MGAT4C: variants seen among roughly 807,000 people sequenced by gnomAD.
MGAT4C encodes alpha-1,3-mannosyl-glycoprotein 4-beta-N-acetylglucosaminyltransferase C.
MGAT4C carries 19 observed loss-of-function variants against 40.1 expected under a neutral mutation model. That is an observed-to-expected ratio of 0.47 (90% confidence interval 0.33 to 0.70). The LOEUF (loss-of-function observed/expected upper bound fraction) is 0.70. Ranked by LOEUF, MGAT4C falls within the 30% of genes least tolerant of loss-of-function variation. The pLI is 0.02. For missense variants in MGAT4C, 491 were observed against 563.2 expected (o/e 0.87, Z 1.30); for synonymous variants, 181 against 187.1 (o/e 0.97, Z 0.27).
At chr12:86,159,810 T>C (rs1477059533) in intron 1 of MGAT4C, among the ~76,000 whole-genome samples, 1 of 152,082 alleles carries the variant, frequency 6.6e-6, no homozygotes, top group South Asian at 2.1e-4. Context: ...TTCTAATTTA[T>C]GTGCATAGTT....
chr12:86,706,070 T>C (rs968521817), intron 2 of MGAT4C, among the ~76,000 whole-genome samples: 4 of 152,092 alleles, frequency 2.6e-5, no homozygotes, highest in African/African-American at 9.7e-5. Flanking sequence ...TTTCCATTGA[T>C]ACACAAAATG....
intron 3 of MGAT4C, among the ~76,000 whole-genome samples, chr12:86,384,356 T>G (rs375947532): frequency 6.6e-6 from 1 of 152,110 alleles, no homozygotes; most frequent in African/African-American, 2.4e-5. Flanking sequence ...TTTTAGACAT[T>G]AGGGATTTTT....
At chr12:86,761,715 C>T (rs919520964) in intron 1 of MGAT4C, among the ~76,000 whole-genome samples, 1 of 152,118 alleles carries the variant, frequency 6.6e-6, no homozygotes, top group African/African-American at 2.4e-5. Flanking sequence ...TATTCCTTGG[C>T]TTGTGGCTAC....
At chr12:86,837,000 T>G (rs1219132840) in intron 1 of MGAT4C, among the ~76,000 whole-genome samples, 1 of 152,164 alleles carries the variant, frequency 6.6e-6, no homozygotes, top group Non-Finnish European at 1.5e-5. Context: ...CTGTATCCTC[T>G]GAAAGTCATA....
At chr12:86,585,280 C>T (rs1960968395) in intron 2 of MGAT4C, among the ~76,000 whole-genome samples, 2 of 151,318 alleles carry the variant, frequency 1.3e-5, no homozygotes, top group Admixed American at 1.3e-4. Context: ...ATTTGTAGGA[C>T]TGGAAAAATG....
At chr12:85,991,361 G>A (rs1310735819) in intron 2 of MGAT4C, among the ~76,000 whole-genome samples, 2 of 152,142 alleles carry the variant, frequency 1.3e-5, no homozygotes, top group East Asian at 1.9e-4. Context: ...GGCGGGCCCA[G>A]AAAAGGCACC....
intron 1 of MGAT4C, among the ~76,000 whole-genome samples, chr12:86,098,064 A>G (rs1565978216): frequency 6.6e-6 from 1 of 151,692 alleles, no homozygotes; most frequent in Non-Finnish European, 1.5e-5. Context: ...AAATGGCTCT[A>G]TGTTTAGAAA....
rs1180402099 is a variant in MGAT4C at position 86,603,493 on chromosome 12, A to C, written c.-229+123716T>G. Among the ~76,000 whole-genome samples, 7 of 86,460 alleles carry C rather than the reference A, an allele frequency of 8.1e-5. No homozygotes were observed. The East Asian group carries it at 1.3e-3, about 16-fold the overall frequency. 56.7% of individuals were successfully genotyped at this position (86,460 alleles called of 152,430 possible). ...CTATATATAGTCTATAGACTATATA[A>C]TATATACTATATATAGTCTATAGTC... is the stretch of plus-strand genomic sequence containing the variant. On this transcript the variant is annotated intron_variant, in intron 2 of 7. Transcript: ENST00000548651.
intron 3 of MGAT4C, among the ~76,000 whole-genome samples, chr12:86,350,195 A>G (rs1955128829): frequency 6.6e-6 from 1 of 152,070 alleles, no homozygotes; most frequent in African/African-American, 2.4e-5. Context: ...AGACTTTAAC[A>G]TATTTCTCAA....
At chr12:86,233,240 T>C (rs980910817) in intron 1 of MGAT4C, among the ~76,000 whole-genome samples, 5 of 152,208 alleles carry the variant, frequency 3.3e-5, no homozygotes, top group African/African-American at 1.2e-4. Context: ...AAGCAGCTTA[T>C]ATGCAAGTCT....
At chr12:86,695,302 C>T (rs1240087648) in intron 2 of MGAT4C, among the ~76,000 whole-genome samples, 3 of 152,006 alleles carry the variant, frequency 2.0e-5, no homozygotes, top group Non-Finnish European at 4.4e-5. Context: ...AAAAAGGAAC[C>T]CTTGTACACT....
intron 2 of MGAT4C, among the ~76,000 whole-genome samples, chr12:86,714,080 G>A (rs536439166): frequency 2.0e-5 from 3 of 152,138 alleles, no homozygotes; most frequent in African/African-American, 4.8e-5. Flanking sequence ...AATTTAACTT[G>A]AAATTTTTAT....
intron 1 of MGAT4C, among the ~76,000 whole-genome samples, chr12:86,781,387 C>T (rs1477681877): frequency 6.6e-6 from 1 of 151,920 alleles, no homozygotes; most frequent in Non-Finnish European, 1.5e-5. Context: ...ATTGAGAGAA[C>T]TCAGCACTCT....
At chr12:86,453,974 G>A (rs528655055) in intron 2 of MGAT4C, among the ~76,000 whole-genome samples, 39 of 151,992 alleles carry the variant, frequency 2.6e-4, no homozygotes, top group Non-Finnish European at 4.4e-4. Context: ...AAGTTACCAC[G>A]AGCCACAAAA....
chr12:86,278,372 T>G (rs1378522645), intron 4 of MGAT4C, among the ~76,000 whole-genome samples: 1 of 152,010 alleles, frequency 6.6e-6, no homozygotes, highest in Non-Finnish European at 1.5e-5. Flanking sequence ...AGAAGTGGGA[T>G]TTCACCATGC....
intron 2 of MGAT4C, among the ~76,000 whole-genome samples, chr12:86,645,935 TTTTAA>T (rs1008052121): frequency 6.6e-6 from 1 of 152,026 alleles, no homozygotes; most frequent in Admixed American, 6.6e-5. Context: ...AAAAGAATAC[TTTTAA>T]TTAATCTATA....
At chr12:86,015,412 A>C (rs927652133) in intron 2 of MGAT4C, among the ~76,000 whole-genome samples, 2 of 152,030 alleles carry the variant, frequency 1.3e-5, no homozygotes, top group African/African-American at 2.4e-5. Context: ...GAACTGGAGG[A>C]CCAGCTGTGA....
chr12:86,179,459 G>C lies in MGAT4C; in HGVS notation c.-57+76780C>G, dbSNP rs547931506. 3.9e-5 allele frequency among the ~76,000 whole-genome samples: 6 copies of C among 152,344 alleles called. No individual in the cohort carries two copies. In the South Asian group the frequency reaches 1.2e-3, roughly 32 times the overall value. On this transcript the variant is annotated intron_variant, in intron 1 of 4. Coordinates refer to ENST00000611864, the MANE Select transcript of MGAT4C (RefSeq NM_001351288.2). ...TGGGTAATAGGCAGAGGTTGGAACAGTTTGGAGGGGTCAGAAGAAGACAGG... is the reference window on the plus strand; with the variant it reads ...TGGGTAATAGGCAGAGGTTGGAACACTTTGGAGGGGTCAGAAGAAGACAGG...
chr12:86,830,181 A>G (rs1197646064), intron 1 of MGAT4C, among the ~76,000 whole-genome samples: 1 of 150,990 alleles, frequency 6.6e-6, no homozygotes, highest in Non-Finnish European at 1.5e-5. Context: ...TTGTCAGTCC[A>G]TCCATCTCTT....
Sources: gnomAD v4.1 joint callset for allele counts (sites outside exome capture counted in the v4.1 genomes callset) on GRCh38, gnomAD v4.1.1 for gene constraint, MANE v1.5 for transcripts, NCBI Gene and HGNC (gene_info 2026-07-23, HGNC 2026-07-21) for gene names.